MBNL2: variants seen among roughly 807,000 people sequenced by gnomAD.
MBNL2 encodes the protein muscleblind like splicing regulator 2.
In MBNL2, 17 loss-of-function variants were observed where a neutral mutation model predicts 41.9. That is an observed-to-expected ratio of 0.41 (90% CI 0.28 to 0.61). The LOEUF (loss-of-function observed/expected upper bound fraction) is 0.61. Among genes scored for constraint, MBNL2 ranks in the 20% least tolerant of loss-of-function variants. MBNL2 has a pLI of 0.35. For synonymous variants in MBNL2, 195 were observed against 182.9 expected (o/e 1.07, Z -0.53); for missense variants, 336 against 505.6 (o/e 0.66, Z 3.22).
chr13:97,348,538 T>C (rs1325839281), intron 5 of MBNL2, among the ~76,000 whole-genome samples: 1 of 152,208 alleles, frequency 6.6e-6, no homozygotes, highest in Non-Finnish European at 1.5e-5. Flanking sequence ...AAAAATTTTA[T>C]GAGACCATGC....
upstream of MBNL2, among the ~76,000 whole-genome samples, chr13:97,220,247 C>T (rs1057341300): frequency 5.3e-5 from 8 of 152,104 alleles, no homozygotes; most frequent in African/African-American, 1.2e-4. Context: ...AATTAATATA[C>T]GACACAAGCC....
intron 2 of MBNL2, among the ~76,000 whole-genome samples, chr13:97,280,223 T>G (rs1367507039): frequency 6.6e-6 from 1 of 152,226 alleles, no homozygotes; most frequent in African/African-American, 2.4e-5. Context: ...TGTTTCCAGA[T>G]TCTTTTTCCT....
intron 4 of MBNL2, among the ~76,000 whole-genome samples, chr13:97,343,987 G>A (rs1162275465): frequency 1.3e-5 from 2 of 152,124 alleles, no homozygotes; most frequent in African/African-American, 4.8e-5. Flanking sequence ...TGTATTTTTA[G>A]TAGAGACAGG....
chr13:97,154,452 C>T, the MBNL2 span, among the ~76,000 whole-genome samples: 1 of 151,964 alleles, frequency 6.6e-6, no homozygotes, highest in Non-Finnish European at 1.5e-5. Flanking sequence ...GTAGCTGGGA[C>T]TACAGGCATG....
At chr13:97,167,690 C>CTA in the MBNL2 span, among the ~76,000 whole-genome samples, 1 of 152,098 alleles carries the variant, frequency 6.6e-6, no homozygotes, top group Admixed American at 6.6e-5. Context: ...GGTCTCCATT[C>CTA]TATATATATC....
chr13:97,221,798 A>G (rs1376864682), upstream of MBNL2, among the ~76,000 whole-genome samples: 2 of 152,242 alleles, frequency 1.3e-5, no homozygotes, highest in Non-Finnish European at 2.9e-5. Flanking sequence ...TGCCAGAGCT[A>G]TAAGCATGTT....
upstream of MBNL2, among the ~76,000 whole-genome samples, chr13:97,218,435 C>CA (rs748001765): frequency 1.1e-3 from 74 of 67,552 alleles, no homozygotes; most frequent in African/African-American, 5.1e-3. Flanking sequence ...CAAAACAAAA[C>CA]AAAACAAAAA....
At chr13:97,173,442 G>T in the MBNL2 span, among the ~76,000 whole-genome samples, 1 of 152,184 alleles carries the variant, frequency 6.6e-6, no homozygotes, top group Non-Finnish European at 1.5e-5. Flanking sequence ...CAAATGATTG[G>T]CAGAGGAGTG....
intron 2 of MBNL2, among the ~76,000 whole-genome samples, chr13:97,291,281 G>A (rs2055897781): frequency 6.6e-6 from 1 of 152,002 alleles, no homozygotes; most frequent in Non-Finnish European, 1.5e-5. Flanking sequence ...TCACTCTGTT[G>A]CCCAGGCTGG....
the MBNL2 span, among the ~76,000 whole-genome samples, chr13:97,155,323 C>T: frequency 2.3e-4 from 35 of 151,538 alleles, no homozygotes; most frequent in African/African-American, 8.0e-4. Flanking sequence ...TTGCTTCATT[C>T]ATACTCACCC....
intron 2 of MBNL2, among the ~76,000 whole-genome samples, chr13:97,300,359 A>G (rs1467366812): frequency 1.3e-5 from 2 of 152,162 alleles, no homozygotes; most frequent in African/African-American, 2.4e-5. Context: ...AGCATCCCCA[A>G]CGTTTTTGGC....
intron 2 of MBNL2, among the ~76,000 whole-genome samples, chr13:97,290,055 T>C (rs2055502918): frequency 6.6e-6 from 1 of 152,166 alleles, no homozygotes; most frequent in Non-Finnish European, 1.5e-5. Flanking sequence ...CTTCCATGTT[T>C]CTCCTATAAA....
chr13:97,290,448 G>A (rs1049436129), intron 2 of MBNL2, among the ~76,000 whole-genome samples: 3 of 151,526 alleles, frequency 2.0e-5, no homozygotes, highest in Admixed American at 6.6e-5. Flanking sequence ...AGGTCGAGGC[G>A]GGTGGATCAT....
At chr13:97,304,962 AC>A (rs1188364948) in intron 2 of MBNL2, among the ~76,000 whole-genome samples, 7 of 152,174 alleles carry the variant, frequency 4.6e-5, no homozygotes, top group Non-Finnish European at 7.4e-5. Flanking sequence ...TTTTATATTG[AC>A]CTTCTACATG....
upstream of MBNL2, among the ~76,000 whole-genome samples, chr13:97,219,869 C>G (rs984879854): frequency 1.3e-5 from 2 of 152,084 alleles, no homozygotes; most frequent in Non-Finnish European, 2.9e-5. Flanking sequence ...TTCAGGAGAC[C>G]AGTTAAGGGG....
chr13:97,393,451 C>T lies in MBNL2; in HGVS notation c.*2002C>T, dbSNP rs936439683. ...AAAATTATTAGCACACAACTATTTT[C>T]AGCCCTTTAATAATGGAGCATCAAA... On this transcript the variant is annotated 3_prime_UTR_variant, in exon 9 of 9. Transcript: ENST00000679496. The T allele has an allele frequency of 8.5e-5, 13 of 152,236 alleles. No homozygotes were observed. Among genetic ancestry groups the T allele is most frequent in the African/African-American group, 2.9e-4 (12 of 41,466 alleles). The allele number at this position is 152,236 out of a possible 1,614,324, so 9.4% of individuals were successfully genotyped here.
upstream of MBNL2, among the ~76,000 whole-genome samples, chr13:97,218,435 C>CAAAAAAAAAAAAAAAAAAAA (rs748001765): frequency 3.0e-5 from 2 of 67,574 alleles, no homozygotes; most frequent in African/African-American, 1.4e-4. Flanking sequence ...CAAAACAAAA[C>CAAAAAAAAAAAAAAAAAAAA]AAAACAAAAA....
chr13:97,259,228 T>G (rs2048136392), intron 1 of MBNL2, among the ~76,000 whole-genome samples: 1 of 152,044 alleles, frequency 6.6e-6, no homozygotes, highest in African/African-American at 2.4e-5. Context: ...TGGGCTTGGG[T>G]GTGCTGGTGA....
chr13:97,333,649 A>G (rs540549428), intron 2 of MBNL2, among the ~76,000 whole-genome samples: 1 of 152,188 alleles, frequency 6.6e-6, no homozygotes, highest in Non-Finnish European at 1.5e-5. Context: ...TTCATCCATA[A>G]GCTGAAAGAA....
Sources: allele counts gnomAD v4.1 joint callset (sites outside exome capture counted in the v4.1 genomes callset), GRCh38; gene constraint gnomAD v4.1.1; transcripts MANE v1.5; gene names NCBI Gene and HGNC (gene_info 2026-07-23, HGNC 2026-07-21).